Variants in ELF2 observed in about 807,000 individuals in gnomAD.
ELF2 encodes ETS-related transcription factor Elf-2.
Under a neutral mutation model 54.8 loss-of-function variants are expected in ELF2, and 11 were observed. The ratio of observed to expected loss-of-function variants is 0.20; its 90% confidence interval spans 0.13 to 0.33. ELF2 has a LOEUF of 0.33. Among genes scored for constraint, ELF2 ranks in the 10% least tolerant of loss-of-function variants. The probability of loss-of-function intolerance (pLI) is 1.00; values close to 1 mark genes in which losing one functional copy is unlikely to be tolerated. For synonymous variants in ELF2, 203 were observed against 245.1 expected, an observed-to-expected ratio of 0.83 and a Z score of 1.61; for missense variants, 513 against 703.0, an observed-to-expected ratio of 0.73 and a Z score of 3.06.
In ELF2 at chr4:139,061,874, C is replaced by T; in HGVS notation, c.797G>A (p.Arg266Gln). 2 of 1,612,718 alleles carry T rather than the reference C, an allele frequency of 1.2e-6. No homozygotes were observed. The highest frequency in any genetic ancestry group is 1.7e-6 in the Non-Finnish European group (2 of 1,179,520). The change falls in exon 8 of 10, where the codon CGA becomes CAA. Residue 266 changes from arginine (R) to glutamine (Q), a missense_variant. Transcript: ENST00000686138. Reference protein sequence around the residue: ...KPDMNYETMGRALRYYYQRGI... With the variant: ...KPDMNYETMGQALRYYYQRGI... Reference sequence around the variant, plus strand: ...TCATTTGAGTTTTTACCTCAAAGCTCGTCCCATGGTTTCATAGTTCATGTC... The same window carrying T: ...TCATTTGAGTTTTTACCTCAAAGCTTGTCCCATGGTTTCATAGTTCATGTC...
chr4:139,082,934 A>C (rs1731330721), intron 4 of ELF2, among the ~76,000 whole-genome samples: 1 of 152,186 alleles, frequency 6.6e-6, no homozygotes, highest in African/African-American at 2.4e-5. Flanking sequence ...CCGCTGCAGC[A>C]GTGGCGCCGC....
At chr4:139,072,140 T>A (rs2148695447) in intron 5 of ELF2, 101 bp from the exon 6 acceptor site, 2 of 1,190,492 alleles carry the variant, frequency 1.7e-6, no homozygotes, top group East Asian at 2.5e-5. Flanking sequence ...TAAGAATTAA[T>A]CAAAGCAGGA....
chr4:139,133,636 CTTT>C (rs35553898), intron 3 of ELF2, among the ~76,000 whole-genome samples: 4 of 143,352 alleles, frequency 2.8e-5, no homozygotes, highest in Non-Finnish European at 4.6e-5. Context: ...TTTTCCCTAC[CTTT>C]TTTTTTTTTT....
intron 4 of ELF2, among the ~76,000 whole-genome samples, chr4:139,082,555 T>C (rs191917166): frequency 6.6e-6 from 1 of 152,346 alleles, no homozygotes; most frequent in Non-Finnish European, 1.5e-5. Context: ...ACTCAATACA[T>C]ACATATTATT....
intron 4 of ELF2, among the ~76,000 whole-genome samples, chr4:139,112,047 C>A (rs1307169671): frequency 6.6e-6 from 1 of 152,178 alleles, no homozygotes. Context: ...CTCCTCACTG[C>A]CCTTTAGACT....
chr4:139,157,406 AT>A (rs915028264), intron 1 of ELF2, among the ~76,000 whole-genome samples: 128 of 146,938 alleles, frequency 8.7e-4, no homozygotes, highest in African/African-American at 1.7e-3. Context: ...ATTCTGTATA[AT>A]TTTTTTTTTT....
intron 4 of ELF2, among the ~76,000 whole-genome samples, chr4:139,105,968 C>A (rs926197436): frequency 1.3e-5 from 2 of 152,188 alleles, no homozygotes; most frequent in African/African-American, 4.8e-5. Context: ...TCCAGTTCTA[C>A]CACAGATCCA....
intron 6 of ELF2, among the ~76,000 whole-genome samples, chr4:139,070,766 T>C (rs1354136957): frequency 1.3e-5 from 2 of 152,214 alleles, no homozygotes; most frequent in African/African-American, 4.8e-5. Context: ...TATACCTCTC[T>C]TGAGATGCAT....
chr4:139,103,642 T>A (rs1578804335), intron 4 of ELF2, among the ~76,000 whole-genome samples: 2 of 152,336 alleles, frequency 1.3e-5, no homozygotes, highest in South Asian at 2.1e-4. Context: ...CCTTTAAATA[T>A]CCTTTATGAT....
chr4:139,061,075 G>A (rs1269912535), intron 8 of ELF2, among the ~76,000 whole-genome samples: 1 of 151,942 alleles, frequency 6.6e-6, no homozygotes. Context: ...AGAGATATGT[G>A]AATACTGTCA....
chr4:139,152,828 T>TTATA (rs143443085), intron 1 of ELF2, among the ~76,000 whole-genome samples: 8 of 148,610 alleles, frequency 5.4e-5, no homozygotes, highest in East Asian at 1.9e-4. Context: ...AACAGGAATT[T>TTATA]TATATATATA....
intron 4 of ELF2, among the ~76,000 whole-genome samples, chr4:139,092,625 C>T (rs2148763161): frequency 6.6e-6 from 1 of 151,890 alleles, no homozygotes; most frequent in Admixed American, 6.6e-5. Flanking sequence ...AGGGTGAAAC[C>T]ACGTCTCTAC....
chr4:139,081,290 T>C (rs1357241417), intron 4 of ELF2, among the ~76,000 whole-genome samples: 1 of 152,182 alleles, frequency 6.6e-6, no homozygotes, highest in South Asian at 2.1e-4. Context: ...CATAAATGTT[T>C]ATAGCTAAAG....
chr4:139,082,410 C>T (rs564887752), intron 4 of ELF2, among the ~76,000 whole-genome samples: 1 of 152,290 alleles, frequency 6.6e-6, no homozygotes, highest in Admixed American at 6.5e-5. Flanking sequence ...AACTTAAGTT[C>T]TTGTTCTGAC....
At chr4:139,078,096 T>C (rs1459750282) in intron 4 of ELF2, among the ~76,000 whole-genome samples, 2 of 152,180 alleles carry the variant, frequency 1.3e-5, no homozygotes, top group African/African-American at 2.4e-5. Context: ...CCGGTGTTTG[T>C]ATGGTACTGA....
At chr4:139,104,182 C>T (rs992009685) in intron 4 of ELF2, among the ~76,000 whole-genome samples, 1 of 152,108 alleles carries the variant, frequency 6.6e-6, no homozygotes, top group Non-Finnish European at 1.5e-5. Context: ...TATAAAGCTA[C>T]ATTTGTCTCT....
intron 6 of ELF2, among the ~76,000 whole-genome samples, chr4:139,068,907 C>T (rs1226932417): frequency 1.3e-5 from 2 of 151,240 alleles, no homozygotes; most frequent in Non-Finnish European, 2.9e-5. Flanking sequence ...GAGATGGAGT[C>T]TCACTCTGTC....
intron 1 of ELF2, among the ~76,000 whole-genome samples, chr4:139,143,763 G>A (rs1020456796): frequency 5.3e-5 from 8 of 152,140 alleles, no homozygotes; most frequent in South Asian, 2.1e-4. Flanking sequence ...CCGGGCAACA[G>A]AGCAAGACTC....
At chr4:139,139,756 G>C (rs1738523522) in intron 1 of ELF2, among the ~76,000 whole-genome samples, 1 of 152,016 alleles carries the variant, frequency 6.6e-6, no homozygotes, top group South Asian at 2.1e-4. Context: ...TGAAGCCTAT[G>C]CTCCATATTA....
Sources: gnomAD v4.1 joint callset for allele counts (sites outside exome capture counted in the v4.1 genomes callset) on GRCh38, gnomAD v4.1.1 for gene constraint, MANE v1.5 for transcripts, NCBI Gene and HGNC (gene_info 2026-07-23, HGNC 2026-07-21) for gene names.